Variants in TMTC2 observed in about 807,000 individuals in gnomAD.
The protein encoded by TMTC2 is transmembrane O-mannosyltransferase targeting cadherins 2.
Under a neutral mutation model 82.4 loss-of-function variants are expected in TMTC2, and 43 were observed. That is an observed-to-expected ratio of 0.52 (90% CI 0.41 to 0.67). The LOEUF (loss-of-function observed/expected upper bound fraction) is 0.67, where lower values mean the gene tolerates loss of function less well. TMTC2 is among the 30% of genes least tolerant of loss of function. The pLI, the probability that TMTC2 is intolerant of heterozygous loss-of-function variation, is 0.00. For synonymous variants in TMTC2, 408 were observed against 381.9 expected (o/e 1.07, Z -0.80); for missense variants, 919 against 1,012.4 (o/e 0.91, Z 1.25).
At position 82,818,426 on chromosome 12, in the gene TMTC2, A is replaced by T. The variant is rs556600989; in HGVS notation, c.84-38584A>T. Among the ~76,000 whole-genome samples, 6 of 152,308 alleles carry T rather than the reference A, an allele frequency of 3.9e-5. No homozygotes were observed. The South Asian group carries it at 1.2e-3, about 32-fold the overall frequency. ...AACTTTAATGCCTACATGCTTCTCAAGCACATAACATTTTTGCCTGACTCT... is the reference window on the plus strand; with the variant it reads ...AACTTTAATGCCTACATGCTTCTCATGCACATAACATTTTTGCCTGACTCT... On this transcript the variant is annotated intron_variant, in intron 1 of 11. Coordinates refer to ENST00000321196, the MANE Select transcript of TMTC2 (RefSeq NM_152588.3).
chr12:82,890,779 G>A (rs1476833752), intron 2 of TMTC2, among the ~76,000 whole-genome samples: 1 of 152,150 alleles, frequency 6.6e-6, no homozygotes, highest in Non-Finnish European at 1.5e-5. Flanking sequence ...AGAACACACA[G>A]AGTCTCTCTT....
At chr12:83,018,675 TC>T (rs71068969) in intron 8 of TMTC2, among the ~76,000 whole-genome samples, 4,603 of 149,854 alleles carry the variant, frequency 0.031, 253 homozygotes, top group African/African-American at 0.11. Flanking sequence ...TTTTTTTTTT[TC>T]CCTTATGAGG....
At chr12:82,749,602 C>T (rs182110402) in intron 1 of TMTC2, among the ~76,000 whole-genome samples, 121 of 152,202 alleles carry the variant, frequency 7.9e-4, no homozygotes, top group Middle Eastern at 3.4e-3. Flanking sequence ...CTCCTATTCT[C>T]TTGGTCTCTT....
At chr12:82,746,540 A>G (rs545017726) in intron 1 of TMTC2, among the ~76,000 whole-genome samples, 1 of 152,232 alleles carries the variant, frequency 6.6e-6, no homozygotes, top group East Asian at 1.9e-4. Flanking sequence ...TCTGCCCCCC[A>G]TCTGCCTCCA....
chr12:82,901,807 C>T (rs1190509231), intron 3 of TMTC2, among the ~76,000 whole-genome samples: 2 of 152,028 alleles, frequency 1.3e-5, no homozygotes, highest in Non-Finnish European at 2.9e-5. Context: ...CTCTGGTGGC[C>T]TTGTTTTTGG....
intron 1 of TMTC2, among the ~76,000 whole-genome samples, chr12:82,843,235 C>T (rs185934818): frequency 1.6e-3 from 249 of 152,138 alleles, no homozygotes; most frequent in Non-Finnish European, 1.8e-3. Context: ...TACAGGTGCC[C>T]GCCACCACGC....
chr12:82,728,125 G>T (rs776472683), intron 1 of TMTC2, among the ~76,000 whole-genome samples: 1 of 151,806 alleles, frequency 6.6e-6, no homozygotes, highest in Admixed American at 6.6e-5. Flanking sequence ...CATTAGAATA[G>T]CTGGGAATGG....
At chr12:83,115,621 G>A (rs1287998497) in intron 11 of TMTC2, among the ~76,000 whole-genome samples, 4 of 149,106 alleles carry the variant, frequency 2.7e-5, no homozygotes, top group African/African-American at 5.0e-5. Context: ...AGGTGGCCTC[G>A]GATCTAGGTT....
intron 4 of TMTC2, among the ~76,000 whole-genome samples, chr12:82,945,240 G>A (rs992498139): frequency 6.6e-6 from 1 of 152,116 alleles, no homozygotes; most frequent in African/African-American, 2.4e-5. Flanking sequence ...TTGTATTAAA[G>A]GTTTTCTCTT....
At chr12:82,830,931 G>A (rs1268599985) in intron 1 of TMTC2, among the ~76,000 whole-genome samples, 1 of 151,906 alleles carries the variant, frequency 6.6e-6, no homozygotes, top group Non-Finnish European at 1.5e-5. Context: ...GAAATCACAG[G>A]GTAGATAGTC....
Position 82,919,657 on chromosome 12 carries a change from G to C in TMTC2, c.1484-10774G>C, listed in dbSNP as rs527881973. On this transcript the variant is annotated intron_variant, in intron 3 of 11. Coordinates refer to ENST00000321196, the MANE Select transcript of TMTC2 (RefSeq NM_152588.3). ...CAACAGTGAAACAGGCATAGGGTAG[G>C]CATTCTCGTTCTAAAAGGGAGAAAG... 2.6e-5 allele frequency among the ~76,000 whole-genome samples: 4 copies of C among 152,290 alleles called. No homozygotes were observed. The South Asian group carries it at 8.3e-4, about 32-fold the overall frequency.
intron 9 of TMTC2, among the ~76,000 whole-genome samples, chr12:83,042,737 A>G (rs1881941345): frequency 6.6e-6 from 1 of 152,118 alleles, no homozygotes; most frequent in African/African-American, 2.4e-5. Flanking sequence ...GGAGAAATAA[A>G]TTCAGTAAAG....
chr12:82,895,958 C>T lies in TMTC2; in HGVS notation c.795C>T (p.Ser265=), dbSNP rs111830151. 26 of 1,613,896 alleles carry T rather than the reference C, an allele frequency of 1.6e-5. No individual in the cohort carries two copies. In the African/African-American group the frequency reaches 2.3e-4, roughly 14 times the overall value. Residue 265 remains serine, a synonymous_variant, in exon 3 of 12, where the codon AGC becomes AGT. Coordinates refer to ENST00000321196, the MANE Select transcript of TMTC2 (RefSeq NM_152588.3). ...ACAACCCCGCTGCTGATTCGGACAG[C>T]CTCCTCACCCGCACTCTCACCTTCT... ...NSDNPAADSD[S]LLTRTLTFFY... is the part of the protein sequence containing the mutation.
rs115517212 is a variant in TMTC2, at chr12:83,105,657, C to A, written c.2332-26553C>A. 3.4e-3 allele frequency among the ~76,000 whole-genome samples: 514 copies of A among 152,308 alleles called. 2 individuals carry two copies. The highest frequency in any genetic ancestry group is 0.012 in the African/African-American group (488 of 41,560). On this transcript the variant is annotated intron_variant, in intron 11 of 11. Coordinates refer to ENST00000321196, the MANE Select transcript of TMTC2 (RefSeq NM_152588.3). Reference sequence around the variant, plus strand: ...AGGGATCCATCCCACGACCCAAACACCACCCACCAGGCCCCACCTCTAACA... The same window carrying A: ...AGGGATCCATCCCACGACCCAAACAACACCCACCAGGCCCCACCTCTAACA...
intron 1 of TMTC2, among the ~76,000 whole-genome samples, chr12:82,736,887 G>A (rs1271846707): frequency 6.6e-6 from 1 of 152,160 alleles, no homozygotes; most frequent in Admixed American, 6.5e-5. Context: ...GAGCTTTTAA[G>A]ACATAGTAGG....
chr12:83,077,509 A>C (rs1297113908), intron 11 of TMTC2, among the ~76,000 whole-genome samples: 2 of 152,176 alleles, frequency 1.3e-5, no homozygotes, highest in African/African-American at 2.4e-5. Flanking sequence ...TGTAAAACTT[A>C]TGTTAAATTC....
chr12:83,098,218 C>A (rs921365256), intron 11 of TMTC2, among the ~76,000 whole-genome samples: 11 of 152,210 alleles, frequency 7.2e-5, no homozygotes. Context: ...ATCATCCCAG[C>A]ACATCTCTGC....
At position 82,764,974 on chromosome 12, in the gene TMTC2, C is replaced by CG. The variant is rs113738704; in HGVS notation, c.83+77312dup. Among the ~76,000 whole-genome samples the CG allele has an allele frequency of 6.1e-4, 88 of 145,130 alleles. 3 individuals are homozygous for CG. Among genetic ancestry groups the CG allele is most frequent in the East Asian group, 3.3e-3 (17 of 5,118 alleles). On this transcript the variant is annotated intron_variant, in intron 1 of 11. Transcript: ENST00000321196. ...CAGATACTCATTTGTGTCTGGTGGG[C>CG]GGGGGGGTGACTGCACCTGTAAAGG...
chr12:83,006,410 A>G (rs1592689008), intron 8 of TMTC2, among the ~76,000 whole-genome samples: 2 of 152,066 alleles, frequency 1.3e-5, no homozygotes, highest in East Asian at 1.9e-4. Flanking sequence ...TTTCTTTGCT[A>G]TCAGTTGTAA....
Sources: allele counts gnomAD v4.1 joint callset (sites outside exome capture counted in the v4.1 genomes callset), GRCh38; gene constraint gnomAD v4.1.1; transcripts MANE v1.5; gene names NCBI Gene and HGNC (gene_info 2026-07-23, HGNC 2026-07-21).